Variants in REDIC1 observed in about 807,000 individuals in gnomAD.
REDIC1 encodes the protein regulator of DNA class I crossover intermediates 1.
At chr12:39,681,978 G>A in the REDIC1 span, among the ~76,000 whole-genome samples, 1 of 141,308 alleles carries the variant, frequency 7.1e-6, no homozygotes, top group Admixed American at 7.3e-5. Flanking sequence ...TTTGATTCTT[G>A]TGCACAAATT....
At chr12:39,713,096 T>C in the REDIC1 span, among the ~76,000 whole-genome samples, 2 of 149,350 alleles carry the variant, frequency 1.3e-5, no homozygotes, top group African/African-American at 4.9e-5. Context: ...TGTGTAGATA[T>C]GTGCATATAC....
chr12:39,723,791 T>C, the REDIC1 span, among the ~76,000 whole-genome samples: 2 of 152,142 alleles, frequency 1.3e-5, no homozygotes. Flanking sequence ...TACATTTTTT[T>C]GGTTCACAAC....
At chr12:39,859,880 T>G in the REDIC1 span, among the ~76,000 whole-genome samples, 2 of 152,110 alleles carry the variant, frequency 1.3e-5, no homozygotes, top group Non-Finnish European at 2.9e-5. Context: ...CATAGTCCCT[T>G]TTGTCAATTT....
chr12:39,682,839 C>A, the REDIC1 span: 2 of 1,611,776 alleles, frequency 1.2e-6, no homozygotes, highest in South Asian at 1.1e-5. Flanking sequence ...AAAATATGAT[C>A]AATGTATTAA....
the REDIC1 span, among the ~76,000 whole-genome samples, chr12:39,629,648 C>T: frequency 6.6e-6 from 1 of 152,042 alleles, no homozygotes; most frequent in Admixed American, 6.6e-5. Flanking sequence ...CCCTTATTTT[C>T]CTTTTTTAGT....
the REDIC1 span, among the ~76,000 whole-genome samples, chr12:39,889,927 T>G: frequency 6.6e-6 from 1 of 152,172 alleles, no homozygotes; most frequent in Non-Finnish European, 1.5e-5. Context: ...TAAATATAAT[T>G]CTTTGTATCT....
chr12:39,869,087 C>T, the REDIC1 span, among the ~76,000 whole-genome samples: 3 of 151,938 alleles, frequency 2.0e-5, no homozygotes, highest in African/African-American at 4.8e-5. Context: ...AACATAGAAC[C>T]GTATGTTAGT....
the REDIC1 span, among the ~76,000 whole-genome samples, chr12:39,711,387 G>C: frequency 5.8e-5 from 8 of 136,906 alleles, no homozygotes; most frequent in Non-Finnish European, 1.3e-4. Context: ...ATATATGTAT[G>C]TGTGTACATA....
At chr12:39,652,605 C>T in the REDIC1 span, among the ~76,000 whole-genome samples, 1 of 152,054 alleles carries the variant, frequency 6.6e-6, no homozygotes, top group Non-Finnish European at 1.5e-5. Context: ...TGAAGTCCGA[C>T]ATTAATTTTT....
chr12:39,675,018 G>T, the REDIC1 span, among the ~76,000 whole-genome samples: 2,577 of 152,284 alleles, frequency 0.017, 28 homozygotes, highest in Non-Finnish European at 0.027. Context: ...TAGTGGGGAG[G>T]CTCATAGCCT....
chr12:39,712,153 C>CATGTATATGTACATGTATATATCTGT, the REDIC1 span, among the ~76,000 whole-genome samples: 1 of 95,088 alleles, frequency 1.1e-5, no homozygotes, highest in East Asian at 3.0e-4. Flanking sequence ...TACATCTATA[C>CATGTATATGTACATGTATATATCTGT]ATGTATATGT....
At chr12:39,839,908 C>A in the REDIC1 span, among the ~76,000 whole-genome samples, 4 of 152,088 alleles carry the variant, frequency 2.6e-5, no homozygotes, top group Non-Finnish European at 4.4e-5. Flanking sequence ...CCTATTGTTC[C>A]TTTTGTGTCT....
the REDIC1 span, among the ~76,000 whole-genome samples, chr12:39,895,540 A>G: frequency 7.4e-6 from 1 of 135,410 alleles, no homozygotes; most frequent in East Asian, 2.1e-4. Context: ...ATATATATAT[A>G]TATATATATA....
chr12:39,839,919 C>T, the REDIC1 span, among the ~76,000 whole-genome samples: 78 of 152,242 alleles, frequency 5.1e-4, no homozygotes, highest in African/African-American at 1.8e-3. Context: ...TTTTGTGTCT[C>T]CCAATCTAAA....
At chr12:39,735,899 G>A in the REDIC1 span, among the ~76,000 whole-genome samples, 1 of 152,334 alleles carries the variant, frequency 6.6e-6, no homozygotes, top group Non-Finnish European at 1.5e-5. Flanking sequence ...GGAAGATGGG[G>A]TGAACCCCAG....
chr12:39,656,114 A>T, the REDIC1 span, among the ~76,000 whole-genome samples: 1 of 152,130 alleles, frequency 6.6e-6, no homozygotes, highest in African/African-American at 2.4e-5. Context: ...ATCTTGTGTC[A>T]GTCTTCATGA....
At chr12:39,713,899 A>G in the REDIC1 span, among the ~76,000 whole-genome samples, 4 of 148,622 alleles carry the variant, frequency 2.7e-5, no homozygotes, top group East Asian at 2.0e-4. Flanking sequence ...ACTTATACGT[A>G]TATACGTATG....
chr12:39,808,028 T>C, the REDIC1 span, among the ~76,000 whole-genome samples: 1 of 152,166 alleles, frequency 6.6e-6, no homozygotes, highest in Non-Finnish European at 1.5e-5. Context: ...TACGTGTAAG[T>C]CAATGAGTTT....
the REDIC1 span, among the ~76,000 whole-genome samples, chr12:39,693,262 T>C: frequency 3.3e-5 from 5 of 152,148 alleles, no homozygotes; most frequent in African/African-American, 9.6e-5. Flanking sequence ...GATCTGGTAC[T>C]CTTTTAGGTA....
Sources: gnomAD v4.1 joint callset for allele counts (sites outside exome capture counted in the v4.1 genomes callset) on GRCh38, gnomAD v4.1.1 for gene constraint, MANE v1.5 for transcripts, NCBI Gene and HGNC (gene_info 2026-07-23, HGNC 2026-07-21) for gene names.